SUCLG2: variants seen among roughly 807,000 people sequenced by gnomAD.
The protein encoded by SUCLG2 is succinate-CoA ligase GDP-forming subunit beta.
Under a neutral mutation model 47.9 loss-of-function variants are expected in SUCLG2, and 42 were observed. That is an observed-to-expected ratio of 0.88 (90% CI 0.69 to 1.14). The LOEUF is 1.14. Ranked by LOEUF, SUCLG2 falls within the 50% of genes most tolerant of loss-of-function variation. The pLI, the probability that SUCLG2 is intolerant of heterozygous loss-of-function variation, is 0.00. For synonymous variants in SUCLG2, 195 were observed against 197.3 expected (o/e 0.99, Z 0.10); for missense variants, 571 against 525.9 (o/e 1.09, Z -0.84).
At chr3:67,413,389 A>G (rs776541686) in intron 9 of SUCLG2, among the ~76,000 whole-genome samples, 4 of 152,220 alleles carry the variant, frequency 2.6e-5, no homozygotes, top group Non-Finnish European at 4.4e-5. Flanking sequence ...GTGGTCTTCC[A>G]GTCTGTCTAA....
intron 10 of SUCLG2, among the ~76,000 whole-genome samples, chr3:67,391,835 G>A (rs760642817): frequency 1.2e-4 from 19 of 152,200 alleles, no homozygotes; most frequent in South Asian, 8.3e-4. Flanking sequence ...CATTCTCTCC[G>A]CTGCTCGTTT....
intron 1 of SUCLG2, among the ~76,000 whole-genome samples, chr3:67,652,456 G>C (rs1241762441): frequency 6.6e-6 from 1 of 152,162 alleles, no homozygotes; most frequent in African/African-American, 2.4e-5. Flanking sequence ...TGCAATGTCT[G>C]CCACGGGCAA....
chr3:67,559,911 C>T (rs551058398), intron 2 of SUCLG2, among the ~76,000 whole-genome samples: 139 of 143,840 alleles, frequency 9.7e-4, no homozygotes, highest in South Asian at 3.9e-3. Flanking sequence ...GTTCATCAAT[C>T]GTAATGAATG....
In SUCLG2 at chr3:67,649,023, A is replaced by T. The variant is rs906175334; in HGVS notation, c.84+5480T>A. Among the ~76,000 whole-genome samples, 6 of 152,372 alleles carry T rather than the reference A, an allele frequency of 3.9e-5. No homozygotes were observed. In the East Asian group the frequency reaches 1.2e-3, roughly 29 times the overall value. On this transcript the variant is annotated intron_variant, in intron 1 of 10. Transcript: ENST00000307227. ...TACCAGGTACAGTCAAGTGTTATAA[A>T]GAACAAAGCAGATAAGGGTACAGAG... is the stretch of plus-strand genomic sequence containing the variant.
intron 9 of SUCLG2, among the ~76,000 whole-genome samples, chr3:67,494,125 A>G (rs1216781202): frequency 6.6e-6 from 1 of 152,174 alleles, no homozygotes; most frequent in Non-Finnish European, 1.5e-5. Context: ...ATAAGACAAA[A>G]TTTTATGCAT....
rs1019137479 is a variant in SUCLG2, at chr3:67,518,331, T to C, written c.576A>G (p.Gln192=). ...CCTTTATTCCTTCAAAAATGTCAATTTGCTCCTAGTAAAAATAAATCAAAT... is the reference window on the plus strand; with the variant it reads ...CCTTTATTCCTTCAAAAATGTCAATCTGCTCCTAGTAAAAATAAATCAAAT... ...ASNPELIFKE[Q]IDIFEGIKDS... The change falls in exon 6 of 11, where the codon CAA becomes CAG. Residue 192 remains glutamine (Q), a synonymous_variant. Coordinates refer to ENST00000307227, the MANE Select transcript of SUCLG2 (RefSeq NM_003848.4). The C allele has an allele frequency of 7.5e-6, 12 of 1,607,804 alleles. No homozygotes were observed. The highest frequency in any genetic ancestry group is 8.5e-6 in the Non-Finnish European group (10 of 1,176,304).
intron 9 of SUCLG2, among the ~76,000 whole-genome samples, chr3:67,460,245 A>G (rs1477866817): frequency 1.3e-5 from 2 of 152,226 alleles, no homozygotes; most frequent in Non-Finnish European, 2.9e-5. Flanking sequence ...AACAGTGGTA[A>G]TAACACCTTA....
chr3:67,585,994 AAACCC>A, intron 2 of SUCLG2, among the ~76,000 whole-genome samples: 1 of 131,028 alleles, frequency 7.6e-6, no homozygotes, highest in South Asian at 2.6e-4. Flanking sequence ...AAAAAAAACC[AAACCC>A]ACAAAGACTC....
Position 67,399,528 on chromosome 3 carries a change from A to T in SUCLG2, c.1183+1203T>A, listed in dbSNP as rs147460291. Among the ~76,000 whole-genome samples, 67 of 152,332 alleles carry T rather than the reference A, an allele frequency of 4.4e-4. 1 individual carries two copies. Among genetic ancestry groups the T allele is most frequent in the African/African-American group, 1.5e-3 (64 of 41,582 alleles). ...AATTTGCACTATAAAGTCAAATTCAAATTCTAGACAATGTGCACCTGCCCT... is the reference window on the plus strand; with the variant it reads ...AATTTGCACTATAAAGTCAAATTCATATTCTAGACAATGTGCACCTGCCCT... On this transcript the variant is annotated intron_variant, in intron 10 of 10. Coordinates refer to ENST00000307227, the MANE Select transcript of SUCLG2 (RefSeq NM_003848.4).
At chr3:67,506,205 T>A (rs1705633363) in intron 7 of SUCLG2, among the ~76,000 whole-genome samples, 2 of 152,192 alleles carry the variant, frequency 1.3e-5, no homozygotes, top group South Asian at 4.1e-4. Context: ...CTTTTACAGC[T>A]TCTAAATAAA....
chr3:67,501,721 T>A (rs184217218), intron 7 of SUCLG2, among the ~76,000 whole-genome samples: 1 of 152,054 alleles, frequency 6.6e-6, no homozygotes, highest in African/African-American at 2.4e-5. Flanking sequence ...TAATAAAGCC[T>A]CCATAAAAAT....
chr3:67,504,795 T>C (rs1705593499), intron 7 of SUCLG2, among the ~76,000 whole-genome samples: 1 of 151,910 alleles, frequency 6.6e-6, no homozygotes, highest in Non-Finnish European at 1.5e-5. Context: ...TGAGAAGAAA[T>C]ATGACATGAA....
chr3:67,602,208 A>AC (rs1261040192), intron 2 of SUCLG2, among the ~76,000 whole-genome samples: 1 of 152,152 alleles, frequency 6.6e-6, no homozygotes, highest in East Asian at 1.9e-4. Context: ...TCAGCACAAT[A>AC]CCAGGCACAT....
At chr3:67,643,866 G>A (rs1373942079) in intron 1 of SUCLG2, among the ~76,000 whole-genome samples, 1 of 152,106 alleles carries the variant, frequency 6.6e-6, no homozygotes, top group Non-Finnish European at 1.5e-5. Context: ...TAGTAGAGAT[G>A]GAGTTTCACC....
At chr3:67,402,017 G>A (rs1702695405) in intron 9 of SUCLG2, among the ~76,000 whole-genome samples, 2 of 152,192 alleles carry the variant, frequency 1.3e-5, no homozygotes, top group Admixed American at 1.3e-4. Flanking sequence ...GGGGCATGTT[G>A]TCCCAAGGTC....
rs563986156 is a variant in SUCLG2, at chr3:67,639,461, T to C, written c.84+15042A>G. Among the ~76,000 whole-genome samples, 7 of 140,434 alleles carry C rather than the reference T, an allele frequency of 5.0e-5. No individual in the cohort carries two copies. The South Asian group carries it at 1.5e-3, about 29-fold the overall frequency. The allele number at this position is 140,434 out of a possible 152,430, so 92.1% of individuals were successfully genotyped here. A position where few individuals can be genotyped will look rare whatever the true frequency, so the allele number is the denominator to read the frequency against. On this transcript the variant is annotated intron_variant, in intron 1 of 10. Transcript: ENST00000307227. The stretch of plus-strand genomic sequence containing the variant: ...AGAGCCTTGCAGCAGATGCTCTCAG[T>C]GCTCCATCCGCATGGCCTCAGATCG...
intron 7 of SUCLG2, among the ~76,000 whole-genome samples, chr3:67,499,456 G>C (rs1364461835): frequency 6.6e-6 from 1 of 152,122 alleles, no homozygotes; most frequent in African/African-American, 2.4e-5. Flanking sequence ...ACAAAGCCAG[G>C]ATGCCAGGCA....
chr3:67,467,200 TAA>T (rs1372009203), intron 9 of SUCLG2, among the ~76,000 whole-genome samples: 1 of 152,226 alleles, frequency 6.6e-6, no homozygotes, highest in African/African-American at 2.4e-5. Context: ...ATTGATAATA[TAA>T]ACACACCTAG....
At chr3:67,602,499 T>G (rs1708441960) in intron 2 of SUCLG2, among the ~76,000 whole-genome samples, 1 of 152,096 alleles carries the variant, frequency 6.6e-6, no homozygotes, top group African/African-American at 2.4e-5. Context: ...AAAGATATTC[T>G]AGCACAGAGA....
Sources: allele counts gnomAD v4.1 joint callset (sites outside exome capture counted in the v4.1 genomes callset), GRCh38; gene constraint gnomAD v4.1.1; transcripts MANE v1.5; gene names NCBI Gene and HGNC (gene_info 2026-07-23, HGNC 2026-07-21).